Variants in TAF5 observed in about 807,000 individuals in gnomAD.
The protein encoded by TAF5 is TATA-box binding protein associated factor 5, also known as transcription initiation factor TFIID subunit 5.
A neutral mutation model predicts 80.9 loss-of-function variants in TAF5; 20 were observed. The ratio of observed to expected loss-of-function variants is 0.25; its 90% confidence interval spans 0.17 to 0.36. The LOEUF is 0.36. Ranked by LOEUF, TAF5 falls within the 10% of genes least tolerant of loss-of-function variation. TAF5 has a pLI of 1.00. For missense variants in TAF5, 863 were observed against 1,029.4 expected (o/e 0.84, Z 2.21); for synonymous variants, 388 against 406.4 (o/e 0.95, Z 0.55).
Position 103,379,898 on chromosome 10 carries a change from A to C in TAF5, c.1292A>C (p.Glu431Ala), listed in dbSNP as rs771206849. 14 of 1,611,082 alleles carry C rather than the reference A, an allele frequency of 8.7e-6. No homozygotes were observed. Among genetic ancestry groups the C allele is most frequent in the Non-Finnish European group, 1.2e-5 (14 of 1,179,316 alleles). Residue 431 changes from glutamate to alanine, a missense_variant, in exon 5 of 11, where the codon GAG (glutamate) becomes GCG (alanine). Physicochemically the swap from Glu to Ala is moderately radical, Grantham distance 107 (BLOSUM62 -1). Transcript: ENST00000369839. Reference sequence around the variant, plus strand: ...TTCTTTCACAGAATCCCTCTTCCTGAGTTGAAAGATTCAGATAAGTTGGAT... The same window carrying C: ...TTCTTTCACAGAATCCCTCTTCCTGCGTTGAAAGATTCAGATAAGTTGGAT... ...APPQNRIPLP[E>A]LKDSDKLDKI...
At chr10:103,368,833 A>G (rs1012837186) in intron 1 of TAF5, among the ~76,000 whole-genome samples, 1 of 152,108 alleles carries the variant, frequency 6.6e-6, no homozygotes, top group Non-Finnish European at 1.5e-5. Context: ...CTTTCCTTTC[A>G]TTTGGGCTTT....
At chr10:103,370,811 T>G (rs1401916358) in intron 1 of TAF5, among the ~76,000 whole-genome samples, 1 of 152,222 alleles carries the variant, frequency 6.6e-6, no homozygotes, top group Non-Finnish European at 1.5e-5. Flanking sequence ...AAATGTTTAT[T>G]GAATTACCCA....
chr10:103,388,372 C>G lies in TAF5; in HGVS notation c.*149C>G. 4 of 670,204 alleles carry G rather than the reference C, an allele frequency of 6.0e-6. No individual in the cohort carries two copies. Among genetic ancestry groups the G allele is most frequent in the Non-Finnish European group, 9.9e-6 (4 of 404,544 alleles). 41.5% of individuals were successfully genotyped at this position (670,204 alleles called of 1,614,324 possible). A position where few individuals can be genotyped will look rare whatever the true frequency, so the allele number is the denominator to read the frequency against. ...GCTGCTTGGAAAAATCTGAACAGGA[C>G]AGTTCCACGTTTCTATAGCAACCAC... On this transcript the variant is annotated 3_prime_UTR_variant, in exon 11 of 11. Coordinates refer to ENST00000369839, the MANE Select transcript of TAF5 (RefSeq NM_006951.5).
intron 1 of TAF5, among the ~76,000 whole-genome samples, chr10:103,371,268 GA>G (rs904832512): frequency 4.6e-5 from 7 of 151,464 alleles, no homozygotes; most frequent in Non-Finnish European, 7.4e-5. Flanking sequence ...AAAGAGAGAG[GA>G]ATCTTTTTTG....
At chr10:103,386,887 A>G (rs1253279365) in intron 8 of TAF5, among the ~76,000 whole-genome samples, 4 of 151,532 alleles carry the variant, frequency 2.6e-5, no homozygotes, top group African/African-American at 9.7e-5. Flanking sequence ...CTGGTCTCGA[A>G]CTCCTGACCT....
At position 103,368,473 on chromosome 10, in the gene TAF5, G is replaced by A; in HGVS notation, c.484G>A (p.Asp162Asn). The A allele has an allele frequency of 6.4e-7, 1 of 1,562,726 alleles. No homozygotes were observed. ...CTCGGCCCCTGGCCCTGCGGCCCCC[G>A]ACCCTCCGGGCACTGGCGCTTCGGG... ...TASAPGPAAP[D>N]PPGTGASGAT... is the part of the protein sequence containing the mutation. Residue 162 changes from aspartate (D) to asparagine (N), a missense_variant, in exon 1 of 11, where the codon GAC becomes AAC. Asp to Asn is a conservative substitution (Grantham distance 23). This residue lies in a region of TAF5 where 367 missense variants were observed against 335.5 expected (regional missense o/e 1.09). Transcript: ENST00000369839.
At position 103,379,730 on chromosome 10, in the gene TAF5, C is replaced by T. The variant is rs1488931558; in HGVS notation, c.1236C>T (p.Ser412=). 1 of 1,597,948 alleles carries T rather than the reference C, an allele frequency of 6.3e-7. No individual in the cohort carries two copies. The highest frequency in any genetic ancestry group is 8.5e-7 in the Non-Finnish European group (1 of 1,176,318). ...AGCCTAAAAAAGATAGTATTGGATC[C>T]AAAAGCAAAAAACAAGATCCCAATG... ...KKKPKKDSIG[S]KSKKQDPNAP... is the part of the protein sequence containing the mutation. Residue 412 remains serine (S), a synonymous_variant, in exon 4 of 11, where the codon TCC becomes TCT. Transcript: ENST00000369839.
intron 5 of TAF5, among the ~76,000 whole-genome samples, chr10:103,381,316 G>T (rs2133633156): frequency 6.6e-6 from 1 of 152,124 alleles, no homozygotes; most frequent in East Asian, 1.9e-4. Flanking sequence ...GCCCAGGCTG[G>T]AGTGCAGTGG....
chr10:103,378,697 AC>A lies in TAF5; in HGVS notation c.1113+150del. 1.1e-6 allele frequency: 1 copy of A among 949,614 alleles called. No homozygotes were observed. Among genetic ancestry groups the A allele is most frequent in the Non-Finnish European group, 1.5e-6 (1 of 653,756 alleles). 58.8% of individuals were successfully genotyped at this position (949,614 alleles called of 1,614,324 possible). On this transcript the variant is annotated intron_variant, in intron 3 of 10. Coordinates refer to ENST00000369839, the MANE Select transcript of TAF5 (RefSeq NM_006951.5). This position sits in a 1 kb window ranked among gnomAD's most constrained non-coding sequence, Gnocchi z 4.1. ...TTTGAGACGGAGTTTTGCTCTTGTC[AC>A]CCAAGCTGGAGTGCAGTGGCGTGAT...
At chr10:103,368,652 C>T (rs972446508) in intron 1 of TAF5, 104 bp downstream of exon 1, 18 of 1,358,214 alleles carry the variant, frequency 1.3e-5, no homozygotes, top group Admixed American at 6.6e-5. Context: ...TTTGAATTTC[C>T]TGGGCCCGCC....
intron 2 of TAF5, among the ~76,000 whole-genome samples, chr10:103,377,682 T>G: frequency 6.6e-6 from 1 of 152,228 alleles, no homozygotes; most frequent in East Asian, 1.9e-4. Flanking sequence ...ATTGATATTT[T>G]AAAAATGTCT....
intron 6 of TAF5, 119 bp from the exon 7 acceptor site, chr10:103,383,119 C>T (rs1459836978): frequency 1.9e-5 from 15 of 788,770 alleles, no homozygotes; most frequent in Non-Finnish European, 2.1e-5. Flanking sequence ...TAGCAAAGTG[C>T]GGTTGGTATA....
chr10:103,386,196 T>C (rs1289816339), intron 8 of TAF5, among the ~76,000 whole-genome samples: 2 of 151,862 alleles, frequency 1.3e-5, no homozygotes, highest in Non-Finnish European at 1.5e-5. Flanking sequence ...CCCAGCACTT[T>C]GGGAGGCCAA....
rs748901460 is a variant in TAF5 at position 103,368,594 on chromosome 10, C to A, written c.559+46C>A. ...TAGGTACGGCCGCCGCGAAGGGGAGCAAGCCGGTAAGGCAGGGGCTGGCAG... is the reference window on the plus strand; with the variant it reads ...TAGGTACGGCCGCCGCGAAGGGGAGAAAGCCGGTAAGGCAGGGGCTGGCAG... On this transcript the variant is annotated intron_variant, in intron 1 of 10. Transcript: ENST00000369839. 235 of 1,439,182 alleles carry A rather than the reference C, an allele frequency of 1.6e-4. No individual in the cohort carries two copies. In the Admixed American group the frequency reaches 2.4e-3, roughly 15 times the overall value. 89.2% of individuals were successfully genotyped at this position (1,439,182 alleles called of 1,614,324 possible).
intron 8 of TAF5, among the ~76,000 whole-genome samples, chr10:103,385,862 T>C (rs533489615): frequency 2.9e-5 from 4 of 135,822 alleles, no homozygotes; most frequent in Non-Finnish European, 6.1e-5. Flanking sequence ...GAGGCGGAGG[T>C]TGCAGTGAGC....
rs1276044774 is a variant in TAF5, at chr10:103,378,610, T to G, written c.1113+60T>G. ...ATTATGAAAAATTGTAGCATTTCCA[T>G]CTACATAAGTTACACATTTTTCTTA... On this transcript the variant is annotated intron_variant, in intron 3 of 10. Transcript: ENST00000369839. The surrounding 1 kb of genome is among the most constrained non-coding windows in gnomAD (Gnocchi z 4.1). 6.7e-7 allele frequency: 1 copy of G among 1,487,734 alleles called. No individual in the cohort carries two copies. Among genetic ancestry groups the G allele is most frequent in the Non-Finnish European group, 9.0e-7 (1 of 1,108,272 alleles). 92.2% of individuals were successfully genotyped at this position (1,487,734 alleles called of 1,614,324 possible). A position where few individuals can be genotyped will look rare whatever the true frequency, so the allele number is the denominator to read the frequency against.
intron 7 of TAF5, among the ~76,000 whole-genome samples, chr10:103,383,876 C>G (rs2093389094): frequency 6.6e-6 from 1 of 152,102 alleles, no homozygotes; most frequent in South Asian, 2.1e-4. Context: ...CTGTGCCTGG[C>G]CTGTATACTC....
At position 103,368,661 on chromosome 10, in the gene TAF5, C is replaced by T. The variant is rs1166222851; in HGVS notation, c.559+113C>T. 3.8e-6 allele frequency: 5 copies of T among 1,310,988 alleles called. No homozygotes were observed. In the Admixed American group the frequency reaches 1.0e-4, roughly 26 times the overall value. 81.2% of individuals were successfully genotyped at this position (1,310,988 alleles called of 1,614,324 possible). A position where few individuals can be genotyped will look rare whatever the true frequency, so the allele number is the denominator to read the frequency against. ...GCTTGTTTTGAATTTCCTGGGCCCG[C>T]CTCTAGGGCCACATGCCCGCCCCTT... On this transcript the variant is annotated intron_variant, in intron 1 of 10. Transcript: ENST00000369839.
chr10:103,379,548 G>A (rs1361035424), intron 3 of TAF5, 60 bp from the exon 4 acceptor site: 26 of 1,338,162 alleles, frequency 1.9e-5, no homozygotes, highest in Non-Finnish European at 2.3e-5. Context: ...CTATCAAGAT[G>A]TAAAATGGGT....
Sources: allele counts gnomAD v4.1 joint callset (sites outside exome capture counted in the v4.1 genomes callset), GRCh38; gene constraint gnomAD v4.1.1; regional missense constraint gnomAD v4.1.1; non-coding constraint Gnocchi (gnomAD v3.1); transcripts MANE v1.5; gene names NCBI Gene and HGNC (gene_info 2026-07-23, HGNC 2026-07-21).